The following TIE1 variants were observed in gnomAD, a reference collection of about 807,000 sequenced individuals.
TIE1 encodes the protein tyrosine-protein kinase receptor Tie-1.
TIE1 carries 89 observed loss-of-function variants against 130.5 expected under a neutral mutation model. That is an observed-to-expected ratio of 0.68 (90% confidence interval 0.57 to 0.81). The LOEUF (loss-of-function observed/expected upper bound fraction) is 0.81. TIE1 is among the 40% of genes least tolerant of loss of function. TIE1 has a pLI of 0.00. For synonymous variants in TIE1, 568 were observed against 629.4 expected, an observed-to-expected ratio of 0.90 and a Z score of 1.46; for missense variants, 1,392 against 1,559.8, an observed-to-expected ratio of 0.89 and a Z score of 1.81.
Position 43,305,469 on chromosome 1 carries a change from G to A in TIE1, c.484+126G>A, listed in dbSNP as rs939933133. The A allele has an allele frequency of 1.1e-5, 9 of 833,784 alleles. No homozygotes were observed. The African/African-American group carries it at 1.6e-4, about 14-fold the overall frequency. 51.6% of individuals were successfully genotyped at this position (833,784 alleles called of 1,614,324 possible). A position where few individuals can be genotyped will look rare whatever the true frequency, so the allele number is the denominator to read the frequency against. On this transcript the variant is annotated intron_variant, in intron 3 of 22. Transcript: ENST00000372476. ...ACCCGACCTCCAGGGCCTCTCCTCT[G>A]TAGTGGACCAGGTCCCATGGGATGT...
In TIE1 at chr1:43,306,107, G is replaced by A. The variant is rs1007405392; in HGVS notation, c.485-733G>A. 1.3e-5 allele frequency among the ~76,000 whole-genome samples: 2 copies of A among 152,200 alleles called. No homozygotes were observed. Among genetic ancestry groups the A allele is most frequent in the Non-Finnish European group, 2.9e-5 (2 of 68,036 alleles). On this transcript the variant is annotated intron_variant, in intron 3 of 22. Coordinates refer to ENST00000372476, the MANE Select transcript of TIE1 (RefSeq NM_005424.5). This position sits in a 1 kb window ranked among gnomAD's most constrained non-coding sequence, Gnocchi z 4.9. ...AGAGGCAAGAAGCGGGTGGGGCAGCGACTGGAGCACTCTTCTAAGAGGGAG... is the reference window on the plus strand; with the variant it reads ...AGAGGCAAGAAGCGGGTGGGGCAGCAACTGGAGCACTCTTCTAAGAGGGAG...
chr1:43,317,333 G>T lies in TIE1; in HGVS notation c.2544G>T (p.Gly848=). Residue 848 remains glycine, a synonymous_variant, in exon 15 of 23, where the codon GGG becomes GGT. Coordinates refer to ENST00000372476, the MANE Select transcript of TIE1 (RefSeq NM_005424.5). The surrounding 1 kb of genome is among the most constrained non-coding windows in gnomAD (Gnocchi z 5.1). ...CCTTTGAGGACCTCATCGGGGAGGG[G>T]AACTTCGGCCAGGTCATCCGGGCCA... ...DITFEDLIGE[G]NFGQVIRAMI... 6.2e-7 allele frequency: 1 copy of T among 1,614,100 alleles called. No individual in the cohort carries two copies. The highest frequency in any genetic ancestry group is 2.2e-5 in the East Asian group (1 of 44,866).
In TIE1 at chr1:43,313,785, G is replaced by A; in HGVS notation, c.2226G>A (p.Gln742=). The A allele has an allele frequency of 6.2e-7, 1 of 1,612,078 alleles. No individual in the cohort carries two copies. The highest frequency in any genetic ancestry group is 8.5e-7 in the Non-Finnish European group (1 of 1,179,230). The part of the protein sequence containing the change: ...VEESTLGNGL[Q]AEGPVQESRA... ...CCCTCTCACTGTGTCCAGGGCTGCA[G>A]GCTGAGGGCCCAGTCCAAGAGAGCC... Residue 742 remains glutamine (Q), a synonymous_variant, in exon 14 of 23, where the codon CAG becomes CAA. Transcript: ENST00000372476. The surrounding 1 kb of genome is among the most constrained non-coding windows in gnomAD (Gnocchi z 6.2).
chr1:43,321,410 T>C lies in TIE1; in HGVS notation c.3163T>C (p.Cys1055Arg). Residue 1055 changes from cysteine (C) to arginine (R), a missense_variant, in exon 21 of 23, where the codon TGT becomes CGT. By Grantham distance (180) the Cys-to-Arg change is radical (BLOSUM62 -3). This residue lies in a region of TIE1 where 104 missense variants were observed against 129.3 expected (regional missense o/e 0.80). Transcript: ENST00000372476. ...CCCTCCTGCAGGAGGTACACCCTAC[T>C]GTGGCATGACCTGTGCCGAGCTCTA... ...EIVSLGGTPYCGMTCAELYEK... is the reference protein window; with the variant it reads ...EIVSLGGTPYRGMTCAELYEK... The C allele has an allele frequency of 6.2e-7, 1 of 1,613,960 alleles. No individual in the cohort carries two copies. Among genetic ancestry groups the C allele is most frequent in the Non-Finnish European group, 8.5e-7 (1 of 1,179,944 alleles).
chr1:43,309,172 G>A lies in TIE1; in HGVS notation c.1188+41G>A, dbSNP rs774457915. 1.4e-5 allele frequency: 22 copies of A among 1,556,996 alleles called. No homozygotes were observed. The highest frequency in any genetic ancestry group is 1.4e-5 in the African/African-American group (1 of 73,410). On this transcript the variant is annotated intron_variant, in intron 8 of 22. Transcript: ENST00000372476. This position sits in a 1 kb window ranked among gnomAD's most constrained non-coding sequence, Gnocchi z 6.3. ...CCCCAACCCACCAGCCCCTCAGGCC[G>A]CCTGCTTCACAGCTGATCCCTAAGA...
At position 43,311,684 on chromosome 1, in the gene TIE1, C is replaced by T. The variant is rs373139505; in HGVS notation, c.1347C>T (p.Pro449=). The stretch of plus-strand genomic sequence containing the variant: ...GTCTCCTGGCAGTGCCCCCCGTGCC[C>T]CTGGCTGCACCTCGGCTCCTGACCA... ...FKVNVKVPPV[P]LAAPRLLTKQ... Residue 449 remains proline (P), a synonymous_variant, in exon 10 of 23, where the codon CCC becomes CCT. Coordinates refer to ENST00000372476, the MANE Select transcript of TIE1 (RefSeq NM_005424.5). 1.2e-6 allele frequency: 2 copies of T among 1,613,162 alleles called. No individual in the cohort carries two copies. Among genetic ancestry groups the T allele is most frequent in the East Asian group, 4.5e-5 (2 of 44,894 alleles).
Position 43,309,157 on chromosome 1 carries a change from C to G in TIE1, c.1188+26C>G, listed in dbSNP as rs1247553766. 1.3e-6 allele frequency: 2 copies of G among 1,567,112 alleles called. No homozygotes were observed. The highest frequency in any genetic ancestry group is 3.6e-5 in the Admixed American group (2 of 55,664). On this transcript the variant is annotated intron_variant, in intron 8 of 22. Transcript: ENST00000372476. This position sits in a 1 kb window ranked among gnomAD's most constrained non-coding sequence, Gnocchi z 6.3. ...GTCAGCCCCCAATCACCCCAACCCA[C>G]CAGCCCCTCAGGCCGCCTGCTTCAC...
Position 43,308,983 on chromosome 1 carries a change from C to T in TIE1, c.1043-3C>T. 1 of 1,614,006 alleles carries T rather than the reference C, an allele frequency of 6.2e-7. No individual in the cohort carries two copies. The highest frequency in any genetic ancestry group is 8.5e-7 in the Non-Finnish European group (1 of 1,179,950). On this transcript the variant is annotated splice_polypyrimidine_tract_variant and splice_region_variant and intron_variant, in intron 7 of 22. Coordinates refer to ENST00000372476, the MANE Select transcript of TIE1 (RefSeq NM_005424.5). ...CTCCAGGATGAGTGTCCTTTCTCCCCAGACCGGATCCCCCAGATCCTCAAC... is the reference window on the plus strand; with the variant it reads ...CTCCAGGATGAGTGTCCTTTCTCCCTAGACCGGATCCCCCAGATCCTCAAC...
chr1:43,310,973 A>G (rs1303186939), intron 9 of TIE1, among the ~76,000 whole-genome samples: 1 of 152,188 alleles, frequency 6.6e-6, no homozygotes, highest in Non-Finnish European at 1.5e-5. Context: ...TGTTAAAAGC[A>G]CTAATGCAAT....
At position 43,305,169 on chromosome 1, in the gene TIE1, A is replaced by T. The variant is rs201338880; in HGVS notation, c.373+4A>T. 6.2e-7 allele frequency: 1 copy of T among 1,614,016 alleles called. No homozygotes were observed. Among genetic ancestry groups the T allele is most frequent in the African/African-American group, 1.3e-5 (1 of 75,030 alleles). On this transcript the variant is annotated splice_donor_region_variant and intron_variant, in intron 2 of 22. Coordinates refer to ENST00000372476, the MANE Select transcript of TIE1 (RefSeq NM_005424.5). ...TACGTGCACAACAGCCCTGGAGGTGAGTTAGGCAGGCGGGGGGATGGCGCG... is the reference window on the plus strand; with the variant it reads ...TACGTGCACAACAGCCCTGGAGGTGTGTTAGGCAGGCGGGGGGATGGCGCG...
Position 43,317,414 on chromosome 1 carries a change from A to G in TIE1, c.2620+5A>G, listed in dbSNP as rs1335631870. The G allele has an allele frequency of 6.2e-7, 1 of 1,614,014 alleles. No homozygotes were observed. Among genetic ancestry groups the G allele is most frequent in the South Asian group, 1.1e-5 (1 of 91,074 alleles). ...CAGCCATCAAAATGCTGAAAGGTCCACTGGGGCGACCCCTGGCCCAGCCCT... is the reference window on the plus strand; with the variant it reads ...CAGCCATCAAAATGCTGAAAGGTCCGCTGGGGCGACCCCTGGCCCAGCCCT... On this transcript the variant is annotated splice_donor_5th_base_variant and intron_variant, in intron 15 of 22. Coordinates refer to ENST00000372476, the MANE Select transcript of TIE1 (RefSeq NM_005424.5). The surrounding 1 kb of genome is among the most constrained non-coding windows in gnomAD (Gnocchi z 5.1).
Position 43,312,034 on chromosome 1 carries a change from A to C in TIE1, c.1533A>C (p.Pro511=). 1 of 1,606,932 alleles carries C rather than the reference A, an allele frequency of 6.2e-7. No individual in the cohort carries two copies. Among genetic ancestry groups the C allele is most frequent in the South Asian group, 1.1e-5 (1 of 90,308 alleles). ...SENVTLMNLR[P]KTGYSVRVQL... ...ACGTGACGTTAATGAACCTGAGGCC[A>C]AAGACAGGATACAGTGTTCGTGTGC... The change falls in exon 11 of 23, where the codon CCA becomes CCC. Residue 511 remains proline, a synonymous_variant. Transcript: ENST00000372476. This position sits in a 1 kb window ranked among gnomAD's most constrained non-coding sequence, Gnocchi z 5.6.
intron 1 of TIE1, among the ~76,000 whole-genome samples, chr1:43,302,099 G>A (rs1035076119): frequency 6.6e-6 from 1 of 152,110 alleles, no homozygotes; most frequent in African/African-American, 2.4e-5. Context: ...CATTTTCAGG[G>A]GGTGTTCATA....
Position 43,309,301 on chromosome 1 carries a change from C to T in TIE1, c.1189-87C>T. 1.3e-6 allele frequency: 2 copies of T among 1,523,476 alleles called. No homozygotes were observed. Among genetic ancestry groups the T allele is most frequent in the Non-Finnish European group, 1.8e-6 (2 of 1,136,848 alleles). The allele number at this position is 1,523,476 out of a possible 1,614,324, so 94.4% of individuals were successfully genotyped here. Reference sequence around the variant, plus strand: ...GAGGGGGCTGCCACTGGGCCTCTGTCCTGCCATCAGTCCAGACGGACACCT... The same window carrying T: ...GAGGGGGCTGCCACTGGGCCTCTGTTCTGCCATCAGTCCAGACGGACACCT... On this transcript the variant is annotated intron_variant, in intron 8 of 22. Coordinates refer to ENST00000372476, the MANE Select transcript of TIE1 (RefSeq NM_005424.5). This position sits in a 1 kb window ranked among gnomAD's most constrained non-coding sequence, Gnocchi z 6.3.
chr1:43,312,605 T>C lies in TIE1; in HGVS notation c.1927+4T>C. ...CACGTGCTTCTGCCCCCCAGTGGTA[T>C]GTGCAAGGCGCAAGGATAGCTGGGG... On this transcript the variant is annotated splice_donor_region_variant and intron_variant, in intron 12 of 22. Transcript: ENST00000372476. The surrounding 1 kb of genome is among the most constrained non-coding windows in gnomAD (Gnocchi z 5.6). 6.3e-7 allele frequency: 1 copy of C among 1,591,286 alleles called. No individual in the cohort carries two copies. The highest frequency in any genetic ancestry group is 8.6e-7 in the Non-Finnish European group (1 of 1,166,808).
rs768385631 is a variant in TIE1 at position 43,319,968 on chromosome 1, C to A, written c.3107+439C>A. On this transcript the variant is annotated intron_variant, in intron 19 of 22. Transcript: ENST00000372476. The surrounding 1 kb of genome is among the most constrained non-coding windows in gnomAD (Gnocchi z 4.7). ...CCCTGCAGACAGCCCTCTTGGCACACTCCTCCTGTCTCTCCAGGGATGTCC... is the reference window on the plus strand; with the variant it reads ...CCCTGCAGACAGCCCTCTTGGCACAATCCTCCTGTCTCTCCAGGGATGTCC... The A allele has an allele frequency of 1.1e-4, 26 of 243,842 alleles. No homozygotes were observed. Among genetic ancestry groups the A allele is most frequent in the Admixed American group, 2.5e-4 (5 of 20,070 alleles). The allele number at this position is 243,842 out of a possible 1,614,324, so 15.1% of individuals were successfully genotyped here.
Position 43,312,288 on chromosome 1 carries a change from C to G in TIE1, c.1631-17C>G. ...AGTACCTACTGGACAGTTCTGACCCCTGACCTCTGGCCCCAGAGCCTTTGT... is the reference window on the plus strand; with the variant it reads ...AGTACCTACTGGACAGTTCTGACCCGTGACCTCTGGCCCCAGAGCCTTTGT... On this transcript the variant is annotated splice_polypyrimidine_tract_variant and intron_variant, in intron 11 of 22. Transcript: ENST00000372476. The surrounding 1 kb of genome is among the most constrained non-coding windows in gnomAD (Gnocchi z 5.6). 1 of 1,539,130 alleles carries G rather than the reference C, an allele frequency of 6.5e-7. No homozygotes were observed. The highest frequency in any genetic ancestry group is 8.8e-7 in the Non-Finnish European group (1 of 1,141,564).
chr1:43,304,450 G>A (rs1187877159), intron 1 of TIE1, among the ~76,000 whole-genome samples: 1 of 152,210 alleles, frequency 6.6e-6, no homozygotes, highest in Admixed American at 6.5e-5. Flanking sequence ...TTAGAGACGA[G>A]TGGGGAAACA....
intron 19 of TIE1, 48 bp from the exon 20 acceptor site, chr1:43,321,221 T>C: frequency 1.9e-6 from 3 of 1,610,492 alleles, no homozygotes; most frequent in Non-Finnish European, 2.5e-6. Context: ...GCTAAACTGC[T>C]AGGGACCAGG....
Sources: allele counts gnomAD v4.1 joint callset (sites outside exome capture counted in the v4.1 genomes callset), GRCh38; gene constraint gnomAD v4.1.1; regional missense constraint gnomAD v4.1.1; non-coding constraint Gnocchi (gnomAD v3.1); transcripts MANE v1.5; gene names NCBI Gene and HGNC (gene_info 2026-07-23, HGNC 2026-07-21).